RAI14: variants seen among roughly 807,000 people sequenced by gnomAD.
RAI14 encodes ankycorbin.
A neutral mutation model predicts 115.4 loss-of-function variants in RAI14; 45 were observed. That is an observed-to-expected ratio of 0.39 (90% CI 0.31 to 0.50). RAI14 has a LOEUF of 0.50. Among genes scored for constraint, RAI14 ranks in the 20% least tolerant of loss-of-function variants. RAI14 has a pLI of 0.85. For missense variants in RAI14, 939 were observed against 1,131.2 expected (o/e 0.83, Z 2.44); for synonymous variants, 371 against 415.4 (o/e 0.89, Z 1.30).
At chr5:34,794,700 A>C (rs12186844) in intron 3 of RAI14, among the ~76,000 whole-genome samples, 32,172 of 152,136 alleles carry the variant, frequency 0.21, 4,606 homozygotes, top group Non-Finnish European at 0.3. Flanking sequence ...ATGACTTCCC[A>C]AAACACACAG....
At chr5:34,675,616 T>C (rs1579875655) in intron 1 of RAI14, among the ~76,000 whole-genome samples, 1 of 152,072 alleles carries the variant, frequency 6.6e-6, no homozygotes, top group Admixed American at 6.5e-5. Flanking sequence ...TTGGGTGTGG[T>C]GATGCACACC....
At chr5:34,802,325 G>A (rs373036015) in intron 4 of RAI14, among the ~76,000 whole-genome samples, 6 of 152,282 alleles carry the variant, frequency 3.9e-5, no homozygotes, top group South Asian at 2.1e-4. Flanking sequence ...GTCTGATCTC[G>A]GAAGCTAAGC....
At chr5:34,666,657 T>A (rs1241291902) in intron 1 of RAI14, among the ~76,000 whole-genome samples, 1 of 152,114 alleles carries the variant, frequency 6.6e-6, no homozygotes, top group Admixed American at 6.5e-5. Flanking sequence ...GCCATTTCAG[T>A]CAAAAACCAA....
chr5:34,684,297 C>A (rs1480110889), intron 1 of RAI14, among the ~76,000 whole-genome samples: 6 of 152,150 alleles, frequency 3.9e-5, no homozygotes. Context: ...CTGGGCTCTA[C>A]CCCTTGAGAT....
intron 3 of RAI14, among the ~76,000 whole-genome samples, chr5:34,787,779 C>T (rs1752465645): frequency 6.7e-6 from 1 of 149,396 alleles, no homozygotes; most frequent in Admixed American, 6.7e-5. Flanking sequence ...AGATTAAATT[C>T]TCATTTATTT....
chr5:34,757,388 T>C, intron 2 of RAI14, 80 bp from the exon 3 acceptor site: 15 of 1,498,768 alleles, frequency 1.0e-5, no homozygotes, highest in East Asian at 2.3e-5. Flanking sequence ...GGGTGGGGGC[T>C]GCGAGGACTG....
chr5:34,744,493 G>A (rs1745925567), intron 2 of RAI14, among the ~76,000 whole-genome samples: 1 of 152,114 alleles, frequency 6.6e-6, no homozygotes, highest in Non-Finnish European at 1.5e-5. Context: ...CCTCGCCCCA[G>A]TGACCACTGT....
intron 12 of RAI14, 80 bp downstream of exon 12, chr5:34,814,749 A>C: frequency 9.1e-7 from 1 of 1,099,904 alleles, no homozygotes; most frequent in Non-Finnish European, 1.4e-6. Flanking sequence ...TAACACTGGG[A>C]AAAACAGAAT....
chr5:34,800,163 G>C (rs1175360333), intron 4 of RAI14, among the ~76,000 whole-genome samples: 1 of 152,098 alleles, frequency 6.6e-6, no homozygotes, highest in Non-Finnish European at 1.5e-5. Flanking sequence ...ATTCTTCCCT[G>C]TTTTTTCTAG....
chr5:34,759,441 C>T (rs180863695), intron 3 of RAI14, among the ~76,000 whole-genome samples: 3 of 152,154 alleles, frequency 2.0e-5, no homozygotes, highest in East Asian at 1.9e-4. Flanking sequence ...CCCCATTGCT[C>T]GCATTACTAT....
intron 6 of RAI14, 60 bp downstream of exon 6, chr5:34,807,917 C>T: frequency 7.4e-7 from 1 of 1,353,266 alleles, no homozygotes. Flanking sequence ...TTTTCTTTTT[C>T]CTTATTCAGG....
At chr5:34,725,275 G>A (rs904341766) in intron 2 of RAI14, among the ~76,000 whole-genome samples, 5 of 152,030 alleles carry the variant, frequency 3.3e-5, no homozygotes, top group African/African-American at 1.2e-4. Context: ...ATTATTTTCT[G>A]TCAGTGTCTA....
intron 2 of RAI14, among the ~76,000 whole-genome samples, chr5:34,722,098 C>G (rs1007097759): frequency 6.6e-6 from 1 of 150,878 alleles, no homozygotes; most frequent in African/African-American, 2.4e-5. Context: ...GCCATGTAGT[C>G]TATATGTAGA....
chr5:34,764,537 TTCTC>T (rs146616019), intron 3 of RAI14, among the ~76,000 whole-genome samples: 5,123 of 71,596 alleles, frequency 0.072, 126 homozygotes, highest in Non-Finnish European at 0.074. Context: ...CAGGTGAATT[TTCTC>T]TCTCTCTCTC....
chr5:34,803,687 T>C, intron 4 of RAI14, 25 bp from the exon 5 acceptor site: 1 of 1,565,870 alleles, frequency 6.4e-7, no homozygotes, highest in Non-Finnish European at 8.7e-7. Flanking sequence ...TTAAAAAAAA[T>C]TATTATTTGA....
chr5:34,695,798 C>T (rs1353627559), intron 2 of RAI14, among the ~76,000 whole-genome samples: 1 of 130,094 alleles, frequency 7.7e-6, no homozygotes, highest in African/African-American at 2.7e-5. Flanking sequence ...AGCAGAAGCA[C>T]TTTCCTTTTT....
At chr5:34,721,272 T>C (rs1417292270) in intron 2 of RAI14, among the ~76,000 whole-genome samples, 5 of 139,596 alleles carry the variant, frequency 3.6e-5, no homozygotes, top group African/African-American at 1.4e-4. Context: ...TGTGTGTGTA[T>C]GTATGTAGAT....
At chr5:34,829,629 G>T in intron 16 of RAI14, 103 bp from the exon 17 acceptor site, 1 of 871,522 alleles carries the variant, frequency 1.1e-6, no homozygotes, top group South Asian at 1.8e-5. Flanking sequence ...AAGTGGAGGG[G>T]ACCACTTGGG....
rs1754398780 is a variant in RAI14, at chr5:34,802,546, A to G, written c.257-1166A>G. Among the ~76,000 whole-genome samples, 5 of 152,162 alleles carry G rather than the reference A, an allele frequency of 3.3e-5. No individual in the cohort carries two copies. The South Asian group carries it at 1.0e-3, about 32-fold the overall frequency. On this transcript the variant is annotated intron_variant, in intron 4 of 17. Coordinates refer to ENST00000265109, the MANE Select transcript of RAI14 (RefSeq NM_015577.3). ...CCCCATCCAGACATTTGAAATTAGC[A>G]TACCCTCTAATTCAGATGGACAGAA... is the stretch of plus-strand genomic sequence containing the variant.
Sources: gnomAD v4.1 joint callset for allele counts (sites outside exome capture counted in the v4.1 genomes callset) on GRCh38, gnomAD v4.1.1 for gene constraint, MANE v1.5 for transcripts, NCBI Gene and HGNC (gene_info 2026-07-23, HGNC 2026-07-21) for gene names.